Variants in ANKRD36 observed in about 807,000 individuals in gnomAD.
The protein encoded by ANKRD36 is ankyrin repeat domain-containing protein 36A.
In ANKRD36, 179 loss-of-function variants were observed where a neutral mutation model predicts 278.1. The ratio of observed to expected loss-of-function variants is 0.64; its 90% CI spans 0.57 to 0.73. The LOEUF is 0.73. Among genes scored for constraint, ANKRD36 ranks in the 30% least tolerant of loss-of-function variants. The pLI, the probability that ANKRD36 is intolerant of heterozygous loss-of-function variation, is 0.00. For missense variants in ANKRD36, 1,159 were observed against 1,956.7 expected (o/e 0.59, Z 7.69); for synonymous variants, 320 against 641.1 (o/e 0.50, Z 7.57).
intron 23 of ANKRD36, 21 bp downstream of exon 23, chr2:97,179,787 A>G (rs201366625): frequency 2.9e-5 from 46 of 1,595,568 alleles, no homozygotes; most frequent in Non-Finnish European, 3.7e-5. Flanking sequence ...TCTCATTTAT[A>G]TGTTGAACTA....
At chr2:97,157,298 G>A (rs113501481) in intron 15 of ANKRD36, among the ~76,000 whole-genome samples, 41 of 148,118 alleles carry the variant, frequency 2.8e-4, no homozygotes, top group South Asian at 4.2e-4. Context: ...AGTATTATTA[G>A]GCATATATTA....
chr2:97,192,762 G>A, intron 36 of ANKRD36, 96 bp from the exon 37 acceptor site: 1 of 1,459,832 alleles, frequency 6.9e-7, no homozygotes, highest in South Asian at 1.2e-5. Flanking sequence ...GCTAATACAG[G>A]CAGGAGAACA....
At chr2:97,230,481 A>G (rs2071566040) in intron 67 of ANKRD36, among the ~76,000 whole-genome samples, 1 of 152,054 alleles carries the variant, frequency 6.6e-6, no homozygotes. Flanking sequence ...CTCGGCTTTC[A>G]GCTTCATCAG....
chr2:97,191,592 G>C (rs72947013), intron 36 of ANKRD36, among the ~76,000 whole-genome samples: 1 of 151,636 alleles, frequency 6.6e-6, no homozygotes, highest in Non-Finnish European at 1.5e-5. Flanking sequence ...TGTAGAAGGA[G>C]ACCTACGGAG....
intron 55 of ANKRD36, 25 bp downstream of exon 55, chr2:97,209,734 T>C (rs2153623165): frequency 6.3e-7 from 1 of 1,583,720 alleles, no homozygotes; most frequent in Admixed American, 1.7e-5. Flanking sequence ...ATTCATATTG[T>C]GAGCTAGTAA....
rs564270958 is a variant in ANKRD36 at position 97,157,130 on chromosome 2, CCTCT to C, written c.1261-960_1261-957del. Among the ~76,000 whole-genome samples, 6 of 67,224 alleles carry C rather than the reference CCTCT, an allele frequency of 8.9e-5. 1 individual carries two copies. The highest frequency in any genetic ancestry group is 1.7e-4 in the African/African-American group (5 of 30,258). The allele number at this position is 67,224 out of a possible 152,430, so 44.1% of individuals were successfully genotyped here. A position where few individuals can be genotyped will look rare whatever the true frequency, so the allele number is the denominator to read the frequency against. ...ATTTTATTGGTTTTTGTTTTTTTTT[CCTCT>C]CTCTCTCTCTCTCTCTGTTTGTAGT... On this transcript the variant is annotated intron_variant, in intron 15 of 75. Coordinates refer to ENST00000420699, the MANE Select transcript of ANKRD36 (RefSeq NM_001354587.1).
intron 26 of ANKRD36, among the ~76,000 whole-genome samples, chr2:97,182,055 A>C (rs1451255690): frequency 6.6e-6 from 1 of 151,292 alleles, no homozygotes; most frequent in African/African-American, 2.4e-5. Context: ...GGACAGCATA[A>C]TTTTGCATTA....
Position 97,191,363 on chromosome 2 carries a change from G to A in ANKRD36, c.2347+182G>A, listed in dbSNP as rs58742758. Among the ~76,000 whole-genome samples, 336 of 151,714 alleles carry A rather than the reference G, an allele frequency of 2.2e-3. 20 individuals are homozygous for A. In the East Asian group the frequency reaches 0.059, roughly 27 times the overall value. Reference sequence around the variant, plus strand: ...GCTGCTGGTCTGGAACATGATCTTCGCAGTAAGATTATACACTTCCCCACA... The same window carrying A: ...GCTGCTGGTCTGGAACATGATCTTCACAGTAAGATTATACACTTCCCCACA... On this transcript the variant is annotated intron_variant, in intron 36 of 75. Transcript: ENST00000420699.
chr2:97,170,442 C>G lies in ANKRD36; in HGVS notation c.1633+2675C>G, dbSNP rs930961591. On this transcript the variant is annotated intron_variant, in intron 22 of 75. Coordinates refer to ENST00000420699, the MANE Select transcript of ANKRD36 (RefSeq NM_001354587.1). Reference sequence around the variant, plus strand: ...TGATCTTTGACAAACCTGACAAAAACAAGAAATGGGGAAAGGATTCCCTAT... The same window carrying G: ...TGATCTTTGACAAACCTGACAAAAAGAAGAAATGGGGAAAGGATTCCCTAT... Among the ~76,000 whole-genome samples, 46 of 151,784 alleles carry G rather than the reference C, an allele frequency of 3.0e-4. 1 individual carries two copies. The highest frequency in any genetic ancestry group is 2.9e-3 in the Admixed American group (44 of 15,202).
At position 97,192,886 on chromosome 2, in the gene ANKRD36, G is replaced by A. The variant is rs369414022; in HGVS notation, c.2376G>A (p.Thr792=). Residue 792 remains threonine (T), a splice_region_variant and synonymous_variant, in exon 37 of 76, where the codon ACG becomes ACA. Coordinates refer to ENST00000420699, the MANE Select transcript of ANKRD36 (RefSeq NM_001354587.1). ...CTTCTCAGAAACCACCAGCCTTGAC[G>A]GTAATGAAACACTCATTTATATTGT... ...TVSSQKPPAL[T]ATSDEEGSVL... is the part of the protein sequence containing the mutation. 3.9e-5 allele frequency: 63 copies of A among 1,603,462 alleles called. No homozygotes were observed. Among genetic ancestry groups the A allele is most frequent in the Admixed American group, 6.7e-5 (4 of 59,578 alleles).
At chr2:97,207,363 C>T (rs1423485980) in intron 52 of ANKRD36, among the ~76,000 whole-genome samples, 2 of 151,392 alleles carry the variant, frequency 1.3e-5, no homozygotes, top group Non-Finnish European at 3.0e-5. Context: ...TGTGCCTTCT[C>T]AGTTATTGGG....
intron 46 of ANKRD36, 99 bp downstream of exon 46, chr2:97,200,624 G>T: frequency 8.7e-6 from 13 of 1,500,364 alleles, no homozygotes; most frequent in Non-Finnish European, 1.1e-5. Flanking sequence ...TGCACGTTCT[G>T]ATTCACCAAG....
At chr2:97,143,705 A>G (rs1424028514) in intron 8 of ANKRD36, among the ~76,000 whole-genome samples, 2 of 152,284 alleles carry the variant, frequency 1.3e-5, no homozygotes, top group Non-Finnish European at 2.9e-5. Context: ...ATTGACTCCT[A>G]AAGTGGTTAT....
chr2:97,176,830 A>G (rs2054400876), intron 22 of ANKRD36, among the ~76,000 whole-genome samples: 1 of 151,644 alleles, frequency 6.6e-6, no homozygotes, highest in Non-Finnish European at 1.5e-5. Context: ...GGTGGTGACA[A>G]AATCTCTCAG....
chr2:97,203,415 A>G (rs1484092783), intron 48 of ANKRD36, among the ~76,000 whole-genome samples: 1 of 151,846 alleles, frequency 6.6e-6, no homozygotes. Flanking sequence ...TCGTGCCACG[A>G]CTGGATGAAG....
At chr2:97,156,899 T>G (rs2047599789) in intron 15 of ANKRD36, among the ~76,000 whole-genome samples, 1 of 151,840 alleles carries the variant, frequency 6.6e-6, no homozygotes, top group Admixed American at 6.6e-5. Context: ...CCTGACTTTT[T>G]AATGATCACC....
chr2:97,147,917 G>A (rs1385205707), intron 11 of ANKRD36, among the ~76,000 whole-genome samples: 1 of 151,902 alleles, frequency 6.6e-6, no homozygotes, highest in African/African-American at 2.4e-5. Context: ...TGGCGTTCAA[G>A]GAGTTCTGAA....
At chr2:97,124,964 C>G (rs924368092) in intron 5 of ANKRD36, among the ~76,000 whole-genome samples, 1 of 151,794 alleles carries the variant, frequency 6.6e-6, no homozygotes, top group Non-Finnish European at 1.5e-5. Context: ...CTCAAAATGT[C>G]CAGTTTATCA....
intron 17 of ANKRD36, among the ~76,000 whole-genome samples, chr2:97,160,984 A>G (rs1338636220): frequency 2.0e-5 from 3 of 151,966 alleles, no homozygotes; most frequent in Admixed American, 6.6e-5. Context: ...GAAATATATA[A>G]TTGAAATTTT....
Sources: gnomAD v4.1 joint callset for allele counts (sites outside exome capture counted in the v4.1 genomes callset) on GRCh38, gnomAD v4.1.1 for gene constraint, MANE v1.5 for transcripts, NCBI Gene and HGNC (gene_info 2026-07-23, HGNC 2026-07-21) for gene names.